The following ZNF469 variants were observed in gnomAD, a reference collection of about 807,000 sequenced individuals.
ZNF469 encodes the protein zinc finger protein 469.
Under a neutral mutation model 1.0 loss-of-function variants are expected in ZNF469, and 1 was observed. The ratio of observed to expected loss-of-function variants is 1.00; its 90% CI spans 0.35 to 4.73. The LOEUF (loss-of-function observed/expected upper bound fraction) is 4.73. Among genes scored for constraint, ZNF469 ranks in the 30% most tolerant of loss-of-function variants. ZNF469 has a pLI of 0.16. For synonymous variants in ZNF469, 2,703 were observed against 2,363.4 expected (o/e 1.14, Z -4.17); for missense variants, 6,100 against 5,356.3 (o/e 1.14, Z -4.33).
the ZNF469 span, among the ~76,000 whole-genome samples, chr16:88,339,769 CGGGGGGACATGGTGGCAGGGGGAT>C: frequency 1.6e-5 from 1 of 62,522 alleles, no homozygotes; most frequent in Admixed American, 2.2e-4. Context: ...GGCAGGGGGA[CGGGGGGACATGGTGGCAGGGGGAT>C]GGGGGGACAT....
the ZNF469 span, among the ~76,000 whole-genome samples, chr16:88,284,049 T>C: frequency 2.3e-3 from 113 of 49,374 alleles, 10 homozygotes; most frequent in African/African-American, 0.011. Flanking sequence ...CTGAGGTCTG[T>C]GGAGGCTGGT....
chr16:88,253,543 G>A, the ZNF469 span, among the ~76,000 whole-genome samples: 3 of 150,608 alleles, frequency 2.0e-5, no homozygotes, highest in African/African-American at 7.3e-5. Context: ...TGTTGTTGTT[G>A]TTTTTGTTTT....
At chr16:88,205,266 C>T in the ZNF469 span, among the ~76,000 whole-genome samples, 2 of 152,146 alleles carry the variant, frequency 1.3e-5, no homozygotes, top group African/African-American at 2.4e-5. This position sits in a 1 kb window ranked among gnomAD's most constrained non-coding sequence, Gnocchi z 4.2. Flanking sequence ...ACGTTGGCTT[C>T]GTAGAACCAC....
the ZNF469 span, among the ~76,000 whole-genome samples, chr16:88,200,007 T>C: frequency 0.4 from 61,497 of 151,920 alleles, 12,734 homozygotes; most frequent in Admixed American, 0.48. Context: ...GTTCCCTCCA[T>C]GACCTCGCCA....
chr16:88,265,049 C>T, the ZNF469 span, among the ~76,000 whole-genome samples: 5 of 151,990 alleles, frequency 3.3e-5, no homozygotes, highest in Non-Finnish European at 5.9e-5. Flanking sequence ...GTTCAAGGGA[C>T]GGGGGCAGGG....
the ZNF469 span, among the ~76,000 whole-genome samples, chr16:88,186,614 C>T: frequency 2.6e-5 from 4 of 152,116 alleles, no homozygotes; most frequent in South Asian, 4.1e-4. Flanking sequence ...CAGTGTCGGG[C>T]GCGGGTGCTC....
chr16:88,211,094 G>A, the ZNF469 span, among the ~76,000 whole-genome samples: 1 of 152,190 alleles, frequency 6.6e-6, no homozygotes, highest in Non-Finnish European at 1.5e-5. Context: ...GTATTTTAAT[G>A]TTTTCCTTAA....
Position 88,429,352 on chromosome 16 carries a change from CCCCTCGGG to C in ZNF469, c.1890_1897del (p.Pro631LeufsTer104). On this transcript the variant is annotated frameshift_variant, in exon 3 of 3. Transcript: ENST00000565624. LOFTEE classifies it low-confidence loss of function (END_TRUNC). ...CTCAGAGGAAAGCCAGCTCCCCGGC[CCCCTCGGG>C]CCCTCGGCCTTCTTCCACCCACCCA... 6.5e-7 allele frequency: 1 copy of C among 1,549,818 alleles called. No individual in the cohort carries two copies. Among genetic ancestry groups the C allele is most frequent in the Non-Finnish European group, 8.7e-7 (1 of 1,146,738 alleles).
At chr16:88,391,494 A>C (rs1167187837) in intron 1 of ZNF469, among the ~76,000 whole-genome samples, 3 of 82,806 alleles carry the variant, frequency 3.6e-5, no homozygotes, top group African/African-American at 1.3e-4. Flanking sequence ...TGTCTCTGCC[A>C]CCCAAGGCAA....
rs146224761 is a variant in ZNF469 at position 88,424,275 on chromosome 16, A to T, written c.-191-532A>T. Among the ~76,000 whole-genome samples, 9 of 152,326 alleles carry T rather than the reference A, an allele frequency of 5.9e-5. No homozygotes were observed. Among genetic ancestry groups the T allele is most frequent in the Non-Finnish European group, 1.3e-4 (9 of 68,022 alleles). On this transcript the variant is annotated intron_variant, in intron 1 of 2. Transcript: ENST00000565624. This position sits in a 1 kb window ranked among gnomAD's most constrained non-coding sequence, Gnocchi z 4.3. ...TCTACAGGATATGTTGTTACATGAAAAAAAGGTCAGGTGCAGAACAGTGAG... is the reference window on the plus strand; with the variant it reads ...TCTACAGGATATGTTGTTACATGAATAAAAGGTCAGGTGCAGAACAGTGAG...
chr16:88,185,293 GCACA>G, the ZNF469 span, among the ~76,000 whole-genome samples: 1 of 151,922 alleles, frequency 6.6e-6, no homozygotes, highest in Non-Finnish European at 1.5e-5. Flanking sequence ...AGACACACAG[GCACA>G]CTCAAACTCT....
Position 88,427,692 on chromosome 16 carries a change from G to A in ZNF469, c.222G>A (p.Lys74=), listed in dbSNP as rs998864240. ...QPRQARDGEL[K]PPSLRGQAPS... ...GGCAGGCCAGGGACGGGGAGCTCAA[G>A]CCCCCATCCCTGAGAGGCCAGGCCC... Residue 74 remains lysine (K), a synonymous_variant, in exon 3 of 3, where the codon AAG becomes AAA. Coordinates refer to ENST00000565624, the MANE Select transcript of ZNF469 (RefSeq NM_001367624.2). 1 of 1,532,752 alleles carries A rather than the reference G, an allele frequency of 6.5e-7. No individual in the cohort carries two copies. The highest frequency in any genetic ancestry group is 8.8e-7 in the Non-Finnish European group (1 of 1,141,888). 94.9% of individuals were successfully genotyped at this position (1,532,752 alleles called of 1,614,324 possible). A position where few individuals can be genotyped will look rare whatever the true frequency, so the allele number is the denominator to read the frequency against.
chr16:88,256,216 C>T, the ZNF469 span, among the ~76,000 whole-genome samples: 1 of 152,186 alleles, frequency 6.6e-6, no homozygotes, highest in South Asian at 2.1e-4. Flanking sequence ...TTCATCTCAC[C>T]CTCCTGCCAG....
the ZNF469 span, among the ~76,000 whole-genome samples, chr16:88,221,373 G>A: frequency 0.33 from 49,909 of 152,102 alleles, 8,562 homozygotes; most frequent in South Asian, 0.4. Flanking sequence ...GGCCACTATC[G>A]TGCCTGGCCG....
chr16:88,315,836 C>T, the ZNF469 span, among the ~76,000 whole-genome samples: 1 of 152,186 alleles, frequency 6.6e-6, no homozygotes, highest in African/African-American at 2.4e-5. Flanking sequence ...CACGGAGCAG[C>T]GGCAGGAAGA....
At chr16:88,168,687 C>A in the ZNF469 span, among the ~76,000 whole-genome samples, 1 of 152,218 alleles carries the variant, frequency 6.6e-6, no homozygotes, top group African/African-American at 2.4e-5. The surrounding 1 kb of genome is among the most constrained non-coding windows in gnomAD (Gnocchi z 4.3). Context: ...ATTTGTATTG[C>A]ACACCTGCCG....
chr16:88,431,677 T>C lies in ZNF469; in HGVS notation c.4207T>C (p.Ser1403Pro). The change falls in exon 3 of 3, where the codon TCA becomes CCA. Residue 1403 changes from serine to proline, a missense_variant. Coordinates refer to ENST00000565624, the MANE Select transcript of ZNF469 (RefSeq NM_001367624.2). ...CFLEELHPKP[S>P]ARDAPPASSS... ...CCTGGAAGAACTGCACCCCAAGCCC[T>C]CAGCCAGGGATGCCCCGCCGGCCAG... The C allele has an allele frequency of 6.5e-7, 1 of 1,550,354 alleles. No homozygotes were observed. Among genetic ancestry groups the C allele is most frequent in the Non-Finnish European group, 8.7e-7 (1 of 1,146,964 alleles).
Position 88,428,712 on chromosome 16 carries a change from T to C in ZNF469, c.1242T>C (p.Ser414=), listed in dbSNP as rs1036574511. ...TTCCAGGGCAGGCGTACAGAGCCAG[T>C]GGGGTGGACACCAGCCCGGGGCCTC... ...RHFPGQAYRA[S]GVDTSPGPPD... The change falls in exon 3 of 3, where the codon AGT becomes AGC. Residue 414 remains serine, a synonymous_variant. Coordinates refer to ENST00000565624, the MANE Select transcript of ZNF469 (RefSeq NM_001367624.2). 1 of 1,548,538 alleles carries C rather than the reference T, an allele frequency of 6.5e-7. No individual in the cohort carries two copies. The highest frequency in any genetic ancestry group is 1.4e-5 in the African/African-American group (1 of 72,972).
the ZNF469 span, among the ~76,000 whole-genome samples, chr16:88,133,206 G>T: frequency 6.6e-6 from 1 of 152,264 alleles, no homozygotes; most frequent in African/African-American, 2.4e-5. Flanking sequence ...CCCTGCCAGG[G>T]CTCCTTCCGC....
Sources: allele counts gnomAD v4.1 joint callset (sites outside exome capture counted in the v4.1 genomes callset), GRCh38; gene constraint gnomAD v4.1.1; non-coding constraint Gnocchi (gnomAD v3.1); transcripts MANE v1.5; gene names NCBI Gene and HGNC (gene_info 2026-07-23, HGNC 2026-07-21).